The following CCSER1 variants were observed in gnomAD, a reference collection of about 807,000 sequenced individuals.
CCSER1 encodes the protein serine-rich coiled-coil domain-containing protein 1.
Under a neutral mutation model 82.0 loss-of-function variants are expected in CCSER1, and 41 were observed. The ratio of observed to expected loss-of-function variants is 0.50; its 90% confidence interval spans 0.39 to 0.65. CCSER1 has a LOEUF of 0.65. CCSER1 is among the 30% of genes least tolerant of loss of function. CCSER1 has a pLI of 0.00. For synonymous variants in CCSER1, 414 were observed against 383.9 expected, an observed-to-expected ratio of 1.08 and a Z score of -0.92; for missense variants, 1,119 against 1,064.2, an observed-to-expected ratio of 1.05 and a Z score of -0.72.
At chr4:91,441,579 C>G (rs1445868161) in intron 10 of CCSER1, among the ~76,000 whole-genome samples, 8 of 152,198 alleles carry the variant, frequency 5.3e-5, no homozygotes, top group Non-Finnish European at 7.3e-5. Context: ...GATGCCTTCT[C>G]TCACCACTCC....
At chr4:90,764,729 A>T (rs760428416) in intron 7 of CCSER1, among the ~76,000 whole-genome samples, 16 of 152,120 alleles carry the variant, frequency 1.1e-4, no homozygotes, top group Non-Finnish European at 1.9e-4. Flanking sequence ...AATTGTATTT[A>T]ATTTATTCTA....
intron 10 of CCSER1, among the ~76,000 whole-genome samples, chr4:91,348,369 G>A (rs1035955509): frequency 6.6e-6 from 1 of 151,968 alleles, no homozygotes; most frequent in African/African-American, 2.4e-5. Context: ...TACATTGTTG[G>A]ATTTAATGTG....
chr4:90,393,867 G>A (rs1751571132), intron 3 of CCSER1, among the ~76,000 whole-genome samples: 1 of 142,998 alleles, frequency 7.0e-6, no homozygotes, highest in Admixed American at 7.3e-5. Context: ...CAGCCTCCAA[G>A]TCCTGGGCTC....
chr4:91,165,404 T>G (rs1244999632), intron 10 of CCSER1, among the ~76,000 whole-genome samples: 1 of 151,932 alleles, frequency 6.6e-6, no homozygotes, highest in African/African-American at 2.4e-5. Context: ...ACTTGAGGAG[T>G]CAGTCTGTCC....
At chr4:91,178,634 C>T (rs533429694) in intron 10 of CCSER1, among the ~76,000 whole-genome samples, 3 of 152,224 alleles carry the variant, frequency 2.0e-5, no homozygotes, top group South Asian at 4.1e-4. Flanking sequence ...GCAAACCCTA[C>T]CTTTTTTTAT....
intron 10 of CCSER1, among the ~76,000 whole-genome samples, chr4:91,144,243 A>G (rs1431798582): frequency 6.6e-6 from 1 of 151,574 alleles, no homozygotes; most frequent in Non-Finnish European, 1.5e-5. Context: ...TTTCTAGTTG[A>G]TGTGCATATA....
intron 10 of CCSER1, among the ~76,000 whole-genome samples, chr4:91,184,185 CTG>C (rs559508018): frequency 4.8e-4 from 73 of 152,310 alleles, no homozygotes; most frequent in African/African-American, 1.7e-3. Context: ...TAATGTAACA[CTG>C]TGAAAATTTT....
chr4:90,945,593 T>A (rs557838323), intron 9 of CCSER1, among the ~76,000 whole-genome samples: 4 of 152,322 alleles, frequency 2.6e-5, no homozygotes, highest in Non-Finnish European at 1.5e-5. Flanking sequence ...TGCAGCCTGA[T>A]TTCTCTGTTC....
intron 10 of CCSER1, among the ~76,000 whole-genome samples, chr4:91,577,851 T>A (rs2110302823): frequency 6.6e-6 from 1 of 152,166 alleles, no homozygotes; most frequent in Admixed American, 6.6e-5. Context: ...ACATTTTTGC[T>A]TTTTGGTAAA....
chr4:90,484,974 G>T (rs935129147), intron 5 of CCSER1, among the ~76,000 whole-genome samples: 2 of 152,216 alleles, frequency 1.3e-5, no homozygotes, highest in African/African-American at 2.4e-5. Flanking sequence ...GCCCCTAGAG[G>T]TGGAGGCTAT....
In CCSER1 at chr4:91,440,164, T is replaced by G. The variant is rs147615077; in HGVS notation, c.2218-158408T>G. On this transcript the variant is annotated intron_variant, in intron 10 of 10. Transcript: ENST00000509176. ...CACCCCAAATCAACAGAATATACAT[T>G]TTTTTCAGCAGCACACCATGCCTAT... Among the ~76,000 whole-genome samples the G allele has an allele frequency of 1.8e-4, 28 of 152,240 alleles. No homozygotes were observed. The East Asian group carries it at 5.4e-3, about 29-fold the overall frequency.
chr4:90,995,274 A>C (rs1737395447), intron 9 of CCSER1, among the ~76,000 whole-genome samples: 1 of 152,170 alleles, frequency 6.6e-6, no homozygotes, highest in Admixed American at 6.6e-5. Flanking sequence ...TGATTTCACT[A>C]TACATAGTTG....
intron 7 of CCSER1, 68 bp from the exon 8 acceptor site, chr4:90,815,694 G>A (rs986957798): frequency 1.8e-6 from 2 of 1,098,538 alleles, no homozygotes; most frequent in Non-Finnish European, 2.6e-6. Context: ...GTGTGAAGCT[G>A]ACTTTCCTTA....
At chr4:90,483,300 C>G (rs183289389) in intron 5 of CCSER1, among the ~76,000 whole-genome samples, 2 of 152,194 alleles carry the variant, frequency 1.3e-5, no homozygotes, top group East Asian at 3.9e-4. Flanking sequence ...GAATACAGCA[C>G]ACTAATGGGT....
At chr4:90,159,224 C>G (rs1370862761) in intron 1 of CCSER1, among the ~76,000 whole-genome samples, 1 of 151,964 alleles carries the variant, frequency 6.6e-6, no homozygotes, top group Non-Finnish European at 1.5e-5. Flanking sequence ...ATTATTATTA[C>G]TTGAGAAATG....
In CCSER1 at chr4:90,889,261, C is replaced by G. The variant is rs964082120; in HGVS notation, c.2095-34109C>G. ...AAATACAGAGAATCTCGGAACCTGCCAAGTTATAGAATTAAAAAGCCTTAA... is the reference window on the plus strand; with the variant it reads ...AAATACAGAGAATCTCGGAACCTGCGAAGTTATAGAATTAAAAAGCCTTAA... On this transcript the variant is annotated intron_variant, in intron 8 of 10. Coordinates refer to ENST00000509176, the MANE Select transcript of CCSER1 (RefSeq NM_001145065.2). 5.3e-5 allele frequency among the ~76,000 whole-genome samples: 8 copies of G among 152,146 alleles called. No homozygotes were observed. In the East Asian group the frequency reaches 1.5e-3, roughly 29 times the overall value.
chr4:90,847,472 T>G (rs985210827), intron 8 of CCSER1, among the ~76,000 whole-genome samples: 1 of 152,220 alleles, frequency 6.6e-6, no homozygotes, highest in African/African-American at 2.4e-5. Context: ...AGTCCAGAAC[T>G]TTTATGATTT....
At chr4:91,378,636 G>T (rs1289214631) in intron 10 of CCSER1, among the ~76,000 whole-genome samples, 1 of 152,136 alleles carries the variant, frequency 6.6e-6, no homozygotes, top group Non-Finnish European at 1.5e-5. Flanking sequence ...CTTATCAGCT[G>T]TAGGAGATTT....
intron 10 of CCSER1, among the ~76,000 whole-genome samples, chr4:91,221,096 G>A (rs62311965): frequency 0.058 from 8,770 of 151,894 alleles, 488 homozygotes; most frequent in African/African-American, 0.15. Flanking sequence ...ATAACATTTT[G>A]GAAGGATGGC....
Sources: gnomAD v4.1 joint callset for allele counts (sites outside exome capture counted in the v4.1 genomes callset) on GRCh38, gnomAD v4.1.1 for gene constraint, MANE v1.5 for transcripts, NCBI Gene and HGNC (gene_info 2026-07-23, HGNC 2026-07-21) for gene names.